Variants in NRXN3 observed in about 807,000 individuals in gnomAD.
NRXN3 encodes the protein neurexin 3, also known as neurexin III.
A neutral mutation model predicts 137.6 loss-of-function variants in NRXN3; 32 were observed. That is an observed-to-expected ratio of 0.23 (90% CI 0.18 to 0.31). The LOEUF is 0.31. Ranked by LOEUF, NRXN3 falls within the 10% of genes least tolerant of loss-of-function variation. The pLI, the probability that NRXN3 is intolerant of heterozygous loss-of-function variation, is 1.00. For synonymous variants in NRXN3, 798 were observed against 784.5 expected (o/e 1.02, Z -0.29); for missense variants, 1,574 against 2,062.5 (o/e 0.76, Z 4.59).
intron 19 of NRXN3, among the ~76,000 whole-genome samples, chr14:79,748,476 G>C (rs2098986489): frequency 1.3e-5 from 2 of 152,112 alleles, no homozygotes; most frequent in Non-Finnish European, 2.9e-5. Flanking sequence ...AAGCCATCCA[G>C]ATACTCACCT....
At chr14:79,398,351 C>A (rs2095086955) in intron 15 of NRXN3, among the ~76,000 whole-genome samples, 1 of 152,162 alleles carries the variant, frequency 6.6e-6, no homozygotes, top group Admixed American at 6.6e-5. Context: ...GATGTTTTAA[C>A]TGAGCAATGA....
At chr14:79,771,664 A>G in intron 19 of NRXN3, among the ~76,000 whole-genome samples, 2 of 129,286 alleles carry the variant, frequency 1.5e-5, no homozygotes, top group African/African-American at 3.0e-5. Context: ...CCCACAGCCA[A>G]TATCATACTG....
intron 16 of NRXN3, among the ~76,000 whole-genome samples, chr14:79,633,057 A>G (rs755543677): frequency 2.0e-5 from 3 of 152,152 alleles, no homozygotes; most frequent in Non-Finnish European, 4.4e-5. Flanking sequence ...TCACAGCCAA[A>G]TAATAGTAAT....
intron 19 of NRXN3, among the ~76,000 whole-genome samples, chr14:79,713,251 C>T (rs1486988564): frequency 1.5e-5 from 2 of 134,504 alleles, no homozygotes; most frequent in African/African-American, 5.6e-5. Flanking sequence ...ACTCAGGTCT[C>T]TTGAACCACA....
At chr14:79,803,933 GTATATA>G (rs150295285) in intron 19 of NRXN3, among the ~76,000 whole-genome samples, 1 of 141,262 alleles carries the variant, frequency 7.1e-6, no homozygotes, top group African/African-American at 2.7e-5. Context: ...ATATGTGTGT[GTATATA>G]TATATGTATA....
At chr14:78,229,427 A>AAGAACCCC (rs1194960967) in intron 1 of NRXN3, among the ~76,000 whole-genome samples, 1 of 151,998 alleles carries the variant, frequency 6.6e-6, no homozygotes, top group Non-Finnish European at 1.5e-5. Flanking sequence ...TTGCTTGATG[A>AAGAACCCC]TCCCTGGGGT....
intron 15 of NRXN3, among the ~76,000 whole-genome samples, chr14:79,464,052 A>G (rs2096388605): frequency 1.3e-5 from 2 of 152,194 alleles, no homozygotes; most frequent in Non-Finnish European, 2.9e-5. Context: ...ACCATGCAAG[A>G]TGGCAAAGCA....
At chr14:78,366,042 G>T (rs1332479896) in intron 4 of NRXN3, among the ~76,000 whole-genome samples, 7 of 152,112 alleles carry the variant, frequency 4.6e-5, no homozygotes, top group African/African-American at 1.7e-4. Flanking sequence ...TGATCTTTTA[G>T]CCAGTTATCT....
Position 78,678,920 on chromosome 14 carries a change from G to C in NRXN3, c.1221+27594G>C, listed in dbSNP as rs568004578. On this transcript the variant is annotated intron_variant, in intron 6 of 20. Coordinates refer to ENST00000335750, the MANE Select transcript of NRXN3 (RefSeq NM_001330195.2). Reference sequence around the variant, plus strand: ...GTTGCTGTCTTTTAAATTTAGAACTGTTGTAGTTCTTCTAGTCCTGCAGAA... The same window carrying C: ...GTTGCTGTCTTTTAAATTTAGAACTCTTGTAGTTCTTCTAGTCCTGCAGAA... Among the ~76,000 whole-genome samples, 16 of 152,130 alleles carry C rather than the reference G, an allele frequency of 1.1e-4. No homozygotes were observed. In the South Asian group the frequency reaches 2.9e-3, roughly 28 times the overall value.
intron 16 of NRXN3, among the ~76,000 whole-genome samples, chr14:79,584,857 A>G (rs2097753419): frequency 6.6e-6 from 1 of 152,188 alleles, no homozygotes; most frequent in African/African-American, 2.4e-5. Flanking sequence ...TCAGCAGGAG[A>G]GAGAGAATAT....
intron 15 of NRXN3, among the ~76,000 whole-genome samples, chr14:79,228,452 G>T (rs1246938834): frequency 1.3e-5 from 2 of 152,170 alleles, no homozygotes; most frequent in East Asian, 3.9e-4. Flanking sequence ...TGCAACAGAT[G>T]TTGCAATGCC....
chr14:79,048,563 TTAA>T (rs1347751296), intron 15 of NRXN3, among the ~76,000 whole-genome samples: 1 of 152,152 alleles, frequency 6.6e-6, no homozygotes, highest in African/African-American at 2.4e-5. Flanking sequence ...CATGCACACC[TTAA>T]TTTAAAAGTA....
intron 6 of NRXN3, among the ~76,000 whole-genome samples, chr14:78,693,467 C>T (rs1213601085): frequency 6.6e-6 from 1 of 151,860 alleles, no homozygotes; most frequent in Non-Finnish European, 1.5e-5. Flanking sequence ...TGGTCCTCAG[C>T]TTTGTACTTA....
chr14:78,984,388 G>A (rs143129587), intron 14 of NRXN3, among the ~76,000 whole-genome samples: 8 of 152,080 alleles, frequency 5.3e-5, no homozygotes, highest in African/African-American at 1.7e-4. Context: ...TACAGTCCAC[G>A]TAATTGTTAT....
intron 4 of NRXN3, among the ~76,000 whole-genome samples, chr14:78,549,694 GCTAT>G (rs1263913790): frequency 6.6e-6 from 1 of 152,156 alleles, no homozygotes; most frequent in Non-Finnish European, 1.5e-5. Flanking sequence ...TTCATGATTT[GCTAT>G]CTAATTTTGC....
In NRXN3 at chr14:79,735,142, T is replaced by G. The variant is rs151213098; in HGVS notation, c.4014+37205T>G. ...TTCTCACTATAGAATGTTAGGTTTA[T>G]CAAATCTCTCTTCCACCCTGTTATA... On this transcript the variant is annotated intron_variant, in intron 19 of 20. Transcript: ENST00000335750. 2.7e-3 allele frequency among the ~76,000 whole-genome samples: 410 copies of G among 152,348 alleles called. 1 individual carries two copies. Among genetic ancestry groups the G allele is most frequent in the African/African-American group, 9.1e-3 (380 of 41,586 alleles).
chr14:78,644,966 G>C (rs930135634), intron 4 of NRXN3, among the ~76,000 whole-genome samples, 154 bp from the exon 5 acceptor site: 1 of 152,192 alleles, frequency 6.6e-6, no homozygotes, highest in Non-Finnish European at 1.5e-5. Flanking sequence ...CTGGTGTTTC[G>C]ATATAGGACT....
intron 16 of NRXN3, among the ~76,000 whole-genome samples, chr14:79,519,721 A>T (rs1056878151): frequency 6.6e-6 from 1 of 151,244 alleles, no homozygotes; most frequent in African/African-American, 2.4e-5. Flanking sequence ...CTTGTTGTTA[A>T]CATCTAGTTA....
intron 15 of NRXN3, among the ~76,000 whole-genome samples, chr14:79,223,581 A>G (rs1407914466): frequency 6.7e-6 from 1 of 150,190 alleles, no homozygotes; most frequent in Non-Finnish European, 1.5e-5. Context: ...ATTTCTTATA[A>G]GAAAAAAATG....
Sources: allele counts gnomAD v4.1 joint callset (sites outside exome capture counted in the v4.1 genomes callset), GRCh38; gene constraint gnomAD v4.1.1; transcripts MANE v1.5; gene names NCBI Gene and HGNC (gene_info 2026-07-23, HGNC 2026-07-21).